The following GRIA1 variants were observed in gnomAD, a reference collection of about 807,000 sequenced individuals.
The protein encoded by GRIA1 is glutamate ionotropic receptor AMPA type subunit 1.
In GRIA1, 31 loss-of-function variants were observed where a neutral mutation model predicts 99.2. That is an observed-to-expected ratio of 0.31 (90% CI 0.23 to 0.42). The LOEUF (loss-of-function observed/expected upper bound fraction) is 0.42. Ranked by LOEUF, GRIA1 falls within the 10% of genes least tolerant of loss-of-function variation. GRIA1 has a pLI of 1.00. For synonymous variants in GRIA1, 438 were observed against 432.4 expected, an observed-to-expected ratio of 1.01 and a Z score of -0.16; for missense variants, 782 against 1,157.5, an observed-to-expected ratio of 0.68 and a Z score of 4.71.
intron 11 of GRIA1, among the ~76,000 whole-genome samples, chr5:153,740,463 C>T (rs932231012): frequency 1.9e-4 from 29 of 152,224 alleles, no homozygotes; most frequent in Admixed American, 3.3e-4. Context: ...ACAGCAGGGA[C>T]GAAGGAAGGA....
At chr5:153,781,182 A>G (rs974543475) in intron 13 of GRIA1, among the ~76,000 whole-genome samples, 1 of 152,138 alleles carries the variant, frequency 6.6e-6, no homozygotes, top group African/African-American at 2.4e-5. Flanking sequence ...CAAAGGAACC[A>G]ACTTCCTCTC....
intron 2 of GRIA1, among the ~76,000 whole-genome samples, chr5:153,635,911 G>A (rs1753320031): frequency 6.6e-6 from 1 of 152,170 alleles, no homozygotes; most frequent in Non-Finnish European, 1.5e-5. Context: ...TCCAAAGCTG[G>A]CCGGTGCTAA....
intron 2 of GRIA1, among the ~76,000 whole-genome samples, chr5:153,636,315 C>T (rs1323827930): frequency 6.6e-6 from 1 of 152,100 alleles, no homozygotes; most frequent in Non-Finnish European, 1.5e-5. Flanking sequence ...TTATTATTAC[C>T]TCTCCCAAAT....
At chr5:153,695,795 G>C (rs1429447979) in intron 8 of GRIA1, among the ~76,000 whole-genome samples, 5 of 152,176 alleles carry the variant, frequency 3.3e-5, no homozygotes, top group African/African-American at 1.2e-4. Flanking sequence ...GCAGTATCCT[G>C]AGAGACATGC....
At chr5:153,747,781 G>A (rs1044011986) in intron 11 of GRIA1, among the ~76,000 whole-genome samples, 1 of 152,194 alleles carries the variant, frequency 6.6e-6, no homozygotes, top group African/African-American at 2.4e-5. Flanking sequence ...TCCCAGTGGG[G>A]TGTAGCCTTT....
At chr5:153,790,110 G>C (rs561062378) in intron 13 of GRIA1, among the ~76,000 whole-genome samples, 1 of 152,138 alleles carries the variant, frequency 6.6e-6, no homozygotes, top group Non-Finnish European at 1.5e-5. Context: ...TCAGAGCAAG[G>C]CTAACCCCAG....
chr5:153,508,510 G>A (rs907606627), intron 2 of GRIA1, among the ~76,000 whole-genome samples: 2 of 152,044 alleles, frequency 1.3e-5, no homozygotes, highest in African/African-American at 4.8e-5. Context: ...TCAAAGAACA[G>A]AAAGAAGGCC....
upstream of GRIA1, chr5:153,490,216 G>T (rs1280782674): frequency 5.6e-6 from 1 of 179,126 alleles, no homozygotes; most frequent in Non-Finnish European, 1.2e-5. Context: ...AAGTGACCTA[G>T]ATCAAGCAGC....
intron 2 of GRIA1, among the ~76,000 whole-genome samples, chr5:153,504,103 A>G (rs760107652): frequency 7.9e-5 from 12 of 152,144 alleles, no homozygotes; most frequent in Non-Finnish European, 1.5e-4. Flanking sequence ...ATTTCTGAAT[A>G]TGACACAGTG....
chr5:153,724,578 G>A (rs555896450), intron 11 of GRIA1, among the ~76,000 whole-genome samples: 1 of 152,350 alleles, frequency 6.6e-6, no homozygotes, highest in East Asian at 1.9e-4. Context: ...GAAAGCCAAG[G>A]CTTGAGAACT....
At chr5:153,691,141 A>G (rs1332644971) in intron 8 of GRIA1, among the ~76,000 whole-genome samples, 1 of 152,164 alleles carries the variant, frequency 6.6e-6, no homozygotes, top group East Asian at 1.9e-4. Context: ...CATTCATCAT[A>G]AAGTTTAGGG....
intron 2 of GRIA1, among the ~76,000 whole-genome samples, chr5:153,505,195 G>A (rs1755378047): frequency 6.6e-6 from 1 of 152,210 alleles, no homozygotes; most frequent in South Asian, 2.1e-4. Context: ...TAACACTGAT[G>A]AGGCACAAGA....
intron 13 of GRIA1, among the ~76,000 whole-genome samples, chr5:153,773,279 G>A (rs1764001419): frequency 6.6e-6 from 1 of 152,228 alleles, no homozygotes; most frequent in Non-Finnish European, 1.5e-5. Flanking sequence ...CAGATTTCAA[G>A]CCCTGGCAGT....
intron 5 of GRIA1, among the ~76,000 whole-genome samples, chr5:153,663,613 C>T (rs1288364703): frequency 2.0e-5 from 3 of 152,132 alleles, no homozygotes; most frequent in Non-Finnish European, 1.5e-5. Context: ...GCAACAGAAG[C>T]CCAGGGTCTC....
chr5:153,606,371 T>C (rs188799977), intron 2 of GRIA1, among the ~76,000 whole-genome samples: 2 of 152,216 alleles, frequency 1.3e-5, no homozygotes, highest in African/African-American at 4.8e-5. Context: ...CAAAATTGTT[T>C]TGGCTATTAT....
At chr5:153,658,985 AAAAC>A (rs1286819285) in intron 5 of GRIA1, among the ~76,000 whole-genome samples, 2 of 125,374 alleles carry the variant, frequency 1.6e-5, no homozygotes, top group African/African-American at 3.0e-5. Flanking sequence ...AAGCAAAACA[AAAAC>A]AAACAAACAA....
intron 11 of GRIA1, among the ~76,000 whole-genome samples, chr5:153,738,257 T>C (rs1761530373): frequency 6.6e-6 from 1 of 152,204 alleles, no homozygotes. Context: ...ATGTTTTCTC[T>C]TCTAGTGCTT....
intron 2 of GRIA1, among the ~76,000 whole-genome samples, chr5:153,609,403 T>C (rs982738718): frequency 1.5e-4 from 23 of 148,708 alleles, no homozygotes; most frequent in African/African-American, 5.4e-4. Flanking sequence ...GTTCCTGATC[T>C]TGAAAAAAAT....
At chr5:153,664,669 T>C (rs899313642) in intron 5 of GRIA1, among the ~76,000 whole-genome samples, 1 of 152,162 alleles carries the variant, frequency 6.6e-6, no homozygotes, top group African/African-American at 2.4e-5. Flanking sequence ...ACACCTGTCT[T>C]CTTCTCTGCT....
Sources: allele counts gnomAD v4.1 joint callset (sites outside exome capture counted in the v4.1 genomes callset), GRCh38; gene constraint gnomAD v4.1.1; transcripts MANE v1.5; gene names NCBI Gene and HGNC (gene_info 2026-07-23, HGNC 2026-07-21).